Variants in NRXN1 observed in about 807,000 individuals in gnomAD.
NRXN1 encodes neurexin 1.
NRXN1 carries 39 observed loss-of-function variants against 150.9 expected under a neutral mutation model. That is an observed-to-expected ratio of 0.26 (90% confidence interval 0.20 to 0.34). NRXN1 has a LOEUF of 0.34. Among genes scored for constraint, NRXN1 ranks in the 10% least tolerant of loss-of-function variants. The pLI is 1.00. For synonymous variants in NRXN1, 924 were observed against 757.0 expected (o/e 1.22, Z -3.62); for missense variants, 1,815 against 1,949.9 (o/e 0.93, Z 1.30).
At chr2:50,262,691 A>C (rs2152913877) in intron 17 of NRXN1, among the ~76,000 whole-genome samples, 1 of 152,106 alleles carries the variant, frequency 6.6e-6, no homozygotes, top group East Asian at 1.9e-4. Flanking sequence ...AGTCAATTTT[A>C]GTTGTGAAAA....
intron 18 of NRXN1, among the ~76,000 whole-genome samples, chr2:50,172,949 A>G (rs1192657316): frequency 2.0e-5 from 3 of 152,202 alleles, no homozygotes; most frequent in African/African-American, 7.2e-5. Context: ...CCTGGGCAAC[A>G]GAGGGAGACT....
At chr2:50,453,044 A>T (rs2104547711) in intron 17 of NRXN1, among the ~76,000 whole-genome samples, 1 of 152,336 alleles carries the variant, frequency 6.6e-6, no homozygotes, top group Non-Finnish European at 1.5e-5. Context: ...AATATCCAAG[A>T]TAGTATTAAA....
At position 50,581,499 on chromosome 2, in the gene NRXN1, A is replaced by T. The variant is rs191527420; in HGVS notation, c.1321-28474T>A. Among the ~76,000 whole-genome samples the T allele has an allele frequency of 3.7e-3, 571 of 152,350 alleles. 5 individuals are homozygous for T. Among genetic ancestry groups the T allele is most frequent in the African/African-American group, 0.013 (543 of 41,584 alleles). On this transcript the variant is annotated intron_variant, in intron 8 of 22. Transcript: ENST00000401669. ...AAGGATAAATCAGTAGCCCAGTAAG[A>T]GACAACTAAAAGGTTGAATTTATTA... is the stretch of plus-strand genomic sequence containing the variant.
At chr2:50,551,035 AGAGGAAGAG>A (rs1311380798) in intron 9 of NRXN1, among the ~76,000 whole-genome samples, 4 of 101,096 alleles carry the variant, frequency 4.0e-5, no homozygotes, top group African/African-American at 1.3e-4. Context: ...AGGAAGAGGA[AGAGGAAGAG>A]GAAGAGGAAG....
intron 2 of NRXN1, among the ~76,000 whole-genome samples, chr2:50,955,507 T>G (rs1478098248): frequency 6.6e-6 from 1 of 152,198 alleles, no homozygotes; most frequent in Non-Finnish European, 1.5e-5. Flanking sequence ...AAAGTAAATT[T>G]TATTAGTAAA....
intron 5 of NRXN1, among the ~76,000 whole-genome samples, chr2:50,852,859 T>C (rs966479933): frequency 1.3e-5 from 2 of 152,172 alleles, no homozygotes; most frequent in Admixed American, 6.5e-5. Context: ...CATACACATA[T>C]TAATGATAAC....
At chr2:49,956,422 C>G (rs1416364688) in intron 21 of NRXN1, among the ~76,000 whole-genome samples, 3 of 152,158 alleles carry the variant, frequency 2.0e-5, no homozygotes, top group African/African-American at 7.2e-5. Flanking sequence ...CCACCATTCA[C>G]TGTAAGGCAA....
At chr2:50,610,684 C>G (rs1446035598) in intron 8 of NRXN1, among the ~76,000 whole-genome samples, 1 of 42,434 alleles carries the variant, frequency 2.4e-5, no homozygotes, top group Non-Finnish European at 4.9e-5. Context: ...TATATCTGTA[C>G]AAAACAGAAT....
chr2:50,219,071 G>C (rs191531397), intron 18 of NRXN1, among the ~76,000 whole-genome samples: 1 of 151,702 alleles, frequency 6.6e-6, no homozygotes, highest in Admixed American at 6.6e-5. Context: ...AATAGTTATC[G>C]TACTTCAAAG....
intron 18 of NRXN1, among the ~76,000 whole-genome samples, chr2:50,215,247 A>G (rs2063315261): frequency 6.6e-6 from 1 of 152,036 alleles, no homozygotes; most frequent in Admixed American, 6.6e-5. Context: ...CATTAAAAGA[A>G]AAAGGTTATT....
intron 2 of NRXN1, 142 bp downstream of exon 2, chr2:51,027,360 T>TC (rs1670668854): frequency 2.5e-6 from 2 of 792,874 alleles, no homozygotes; most frequent in Non-Finnish European, 3.6e-6. Context: ...AGGTAGAGAG[T>TC]CCCCCAGAAA....
At chr2:50,888,505 G>C (rs961492799) in intron 5 of NRXN1, among the ~76,000 whole-genome samples, 12 of 151,354 alleles carry the variant, frequency 7.9e-5, no homozygotes, top group Non-Finnish European at 1.6e-4. Context: ...ACAGTCTAGA[G>C]ATTTTTTCTT....
intron 18 of NRXN1, among the ~76,000 whole-genome samples, chr2:50,190,448 C>G (rs1473657358): frequency 6.6e-6 from 1 of 151,950 alleles, no homozygotes; most frequent in Admixed American, 6.6e-5. Flanking sequence ...AGCATATAGG[C>G]AATCATCATA....
intron 8 of NRXN1, among the ~76,000 whole-genome samples, chr2:50,605,502 A>G (rs1450593606): frequency 6.6e-6 from 1 of 152,228 alleles, no homozygotes; most frequent in Non-Finnish European, 1.5e-5. Context: ...CAAAGAAGAA[A>G]TACAAATGGC....
intron 17 of NRXN1, among the ~76,000 whole-genome samples, chr2:50,313,019 A>C: frequency 6.6e-6 from 1 of 152,238 alleles, no homozygotes; most frequent in South Asian, 2.1e-4. Context: ...TCAAGAAATA[A>C]GTTAAAGTAT....
chr2:49,981,737 T>C (rs1374492235), intron 21 of NRXN1, among the ~76,000 whole-genome samples: 1 of 152,086 alleles, frequency 6.6e-6, no homozygotes, highest in Non-Finnish European at 1.5e-5. Flanking sequence ...AAGCTCAGCT[T>C]GGACTGAATA....
At chr2:50,663,713 CA>C (rs1687626390) in intron 5 of NRXN1, among the ~76,000 whole-genome samples, 1 of 151,978 alleles carries the variant, frequency 6.6e-6, no homozygotes, top group South Asian at 2.1e-4. Flanking sequence ...CTGGAACTTT[CA>C]AATGCATATG....
chr2:50,556,777 T>G (rs1349695893), intron 8 of NRXN1, among the ~76,000 whole-genome samples: 1 of 152,070 alleles, frequency 6.6e-6, no homozygotes, highest in Non-Finnish European at 1.5e-5. Flanking sequence ...AATAGGAGCT[T>G]AGTAGTCTGC....
intron 5 of NRXN1, among the ~76,000 whole-genome samples, chr2:50,762,514 CCT>C (rs1419158895): frequency 1.3e-5 from 2 of 151,688 alleles, no homozygotes; most frequent in East Asian, 3.9e-4. Flanking sequence ...CTAATAGTGC[CCT>C]GTGTCTACCG....
Sources: gnomAD v4.1 joint callset for allele counts (sites outside exome capture counted in the v4.1 genomes callset) on GRCh38, gnomAD v4.1.1 for gene constraint, MANE v1.5 for transcripts, NCBI Gene and HGNC (gene_info 2026-07-23, HGNC 2026-07-21) for gene names.